Variants in TCF7L2 observed in about 807,000 individuals in gnomAD.
TCF7L2 encodes the protein transcription factor 7-like 2.
TCF7L2 carries 23 observed loss-of-function variants against 77.9 expected under a neutral mutation model. The observed-to-expected ratio is 0.30, with a 90% CI of 0.21 to 0.42. The LOEUF is 0.42. Among genes scored for constraint, TCF7L2 ranks in the 10% least tolerant of loss-of-function variants. The pLI, the probability that TCF7L2 is intolerant of heterozygous loss-of-function variation, is 1.00. For synonymous variants in TCF7L2, 413 were observed against 340.2 expected, an observed-to-expected ratio of 1.21 and a Z score of -2.36; for missense variants, 654 against 793.1, an observed-to-expected ratio of 0.82 and a Z score of 2.11.
At chr10:113,144,814 T>C (rs2069033738) in intron 7 of TCF7L2, among the ~76,000 whole-genome samples, 3 of 152,142 alleles carry the variant, frequency 2.0e-5, no homozygotes, top group South Asian at 2.1e-4. Flanking sequence ...AAATTCAGAG[T>C]AGAAAGGCCT....
chr10:113,117,420 TCTCTCTC>T (rs2063943073), intron 5 of TCF7L2, among the ~76,000 whole-genome samples: 4 of 39,338 alleles, frequency 1.0e-4, no homozygotes, highest in African/African-American at 4.6e-4. Context: ...TCTCTCTCTC[TCTCTCTC>T]TCTCTCCCTC....
chr10:113,155,365 C>T lies in TCF7L2; in HGVS notation c.1270-2656C>T, dbSNP rs553672999. 7.9e-5 allele frequency among the ~76,000 whole-genome samples: 12 copies of T among 152,202 alleles called. No individual in the cohort carries two copies. In the South Asian group the frequency reaches 2.1e-3, roughly 26 times the overall value. On this transcript the variant is annotated intron_variant, in intron 11 of 13. Transcript: ENST00000627217. ...TGAGTTTCTTTTCTTCTACCCATAT[C>T]GTAGGCCCTTTCTTTCTTCTGTTAC...
rs547252220 is a variant in TCF7L2, at chr10:113,080,774, G to A, written c.552+40648G>A. 7.2e-5 allele frequency among the ~76,000 whole-genome samples: 11 copies of A among 152,224 alleles called. No individual in the cohort carries two copies. In the South Asian group the frequency reaches 2.3e-3, roughly 32 times the overall value. On this transcript the variant is annotated intron_variant, in intron 5 of 13. Coordinates refer to ENST00000627217, the MANE Select transcript of TCF7L2 (RefSeq NM_001146274.2). ...TTAAATAACATTTTCTCATAAATTAGCCCTCGTTTGCACACTTATTCAGTT... is the reference window on the plus strand; with the variant it reads ...TTAAATAACATTTTCTCATAAATTAACCCTCGTTTGCACACTTATTCAGTT...
intron 4 of TCF7L2, among the ~76,000 whole-genome samples, chr10:112,984,306 T>C (rs2041064133): frequency 6.6e-6 from 1 of 152,176 alleles, no homozygotes. Context: ...AGCTATGTTT[T>C]TGTTTTTGTT....
chr10:113,050,667 C>T (rs2054266887), intron 5 of TCF7L2, among the ~76,000 whole-genome samples: 1 of 152,186 alleles, frequency 6.6e-6, no homozygotes, highest in African/African-American at 2.4e-5. Context: ...TAGCAGCCCC[C>T]TTCAGCCAAA....
At chr10:113,080,326 A>AC (rs1200946721) in intron 5 of TCF7L2, among the ~76,000 whole-genome samples, 1 of 151,802 alleles carries the variant, frequency 6.6e-6, no homozygotes, top group Non-Finnish European at 1.5e-5. Flanking sequence ...CAAGGCAGCT[A>AC]CCACATCACC....
rs928727804 is a variant in TCF7L2 at position 113,151,276 on chromosome 10, AAG to A, written c.1001+164_1001+165del. ...TGTGTGGGCTCTTCACTCCCTTACA[AAG>A]AGAGAGAGAGTGCACAGTGGCAGAA... On this transcript the variant is annotated intron_variant, in intron 9 of 13. Transcript: ENST00000627217. This position sits in a 1 kb window ranked among gnomAD's most constrained non-coding sequence, Gnocchi z 5.2. 6.6e-6 allele frequency among the ~76,000 whole-genome samples: 1 copy of A among 151,904 alleles called. No individual in the cohort carries two copies. Among genetic ancestry groups the A allele is most frequent in the Non-Finnish European group, 1.5e-5 (1 of 67,986 alleles).
intron 11 of TCF7L2, among the ~76,000 whole-genome samples, chr10:113,153,859 T>G (rs2071283983): frequency 6.6e-6 from 1 of 152,230 alleles, no homozygotes; most frequent in South Asian, 2.1e-4. Flanking sequence ...CCTGCTCTGA[T>G]GAGTAATTTC....
chr10:112,987,883 A>C lies in TCF7L2; in HGVS notation c.450+23259A>C, dbSNP rs187374308. 15 of 70,562 alleles carry C rather than the reference A, an allele frequency of 2.1e-4. 2 individuals carry two copies. The highest frequency in any genetic ancestry group is 4.2e-4 in the South Asian group (1 of 2,406). 4.4% of individuals were successfully genotyped at this position (70,562 alleles called of 1,614,324 possible). On this transcript the variant is annotated intron_variant, in intron 4 of 13. Transcript: ENST00000627217. ...TTTCTAGGGGTGTAATACACCCATG[A>C]AAAAATAAATAAATAAATAAATAAA...
chr10:113,067,882 G>A (rs548735803), intron 5 of TCF7L2, among the ~76,000 whole-genome samples: 1 of 66,142 alleles, frequency 1.5e-5, no homozygotes, highest in East Asian at 4.5e-4. Flanking sequence ...TGGTGGGAGG[G>A]GGCTAGAGTA....
At chr10:113,161,264 C>T (rs1488080135) in intron 13 of TCF7L2, 12 of 399,338 alleles carry the variant, frequency 3.0e-5, no homozygotes, top group African/African-American at 2.0e-4. Context: ...TGGCATTGAA[C>T]GGCATGCACC....
intron 5 of TCF7L2, among the ~76,000 whole-genome samples, chr10:113,051,307 G>A (rs955706707): frequency 1.3e-5 from 2 of 151,678 alleles, no homozygotes; most frequent in Admixed American, 6.6e-5. Context: ...GGGTAAAATG[G>A]GTGAGGCGGA....
In TCF7L2 at chr10:113,062,132, G is replaced by C. The variant is rs567941855; in HGVS notation, c.552+22006G>C. Among the ~76,000 whole-genome samples, 10 of 152,312 alleles carry C rather than the reference G, an allele frequency of 6.6e-5. No individual in the cohort carries two copies. The East Asian group carries it at 1.7e-3, about 26-fold the overall frequency. On this transcript the variant is annotated intron_variant, in intron 5 of 13. Coordinates refer to ENST00000627217, the MANE Select transcript of TCF7L2 (RefSeq NM_001146274.2). The stretch of plus-strand genomic sequence containing the variant: ...ACTCTTCAGCAGACATCGTGTGACT[G>C]TGGAAGAAATGAGTTTCATGAAGAT...
chr10:113,144,584 A>G (rs1298726315), intron 7 of TCF7L2, among the ~76,000 whole-genome samples: 31 of 152,228 alleles, frequency 2.0e-4, no homozygotes, highest in Non-Finnish European at 2.9e-4. Flanking sequence ...GGTTGACAAC[A>G]ACAGTGGAAA....
chr10:113,029,361 C>T (rs1014665399), intron 4 of TCF7L2, among the ~76,000 whole-genome samples: 2 of 152,086 alleles, frequency 1.3e-5, no homozygotes, highest in African/African-American at 4.8e-5. Flanking sequence ...GTAAGCATCC[C>T]TCCCCGAGAT....
chr10:113,134,931 G>A (rs998447766), intron 5 of TCF7L2, among the ~76,000 whole-genome samples: 16 of 152,230 alleles, frequency 1.1e-4, no homozygotes, highest in Admixed American at 7.8e-4. Context: ...TGCTTCTGCA[G>A]AAAGAGGCAG....
intron 5 of TCF7L2, chr10:113,126,702 CGCTGCTGGTGTGT>C: frequency 3.0e-6 from 3 of 985,494 alleles, no homozygotes; most frequent in Middle Eastern, 5.2e-4. Flanking sequence ...TGTCTGGCGG[CGCTGCTGGTGTGT>C]GCTGCTCCCC....
At chr10:112,954,572 C>A (rs561471672) in intron 3 of TCF7L2, among the ~76,000 whole-genome samples, 1 of 152,266 alleles carries the variant, frequency 6.6e-6, no homozygotes, top group South Asian at 2.1e-4. Flanking sequence ...AGATACAAAA[C>A]TGCATTAAGG....
At chr10:113,050,977 A>G (rs1243120268) in intron 5 of TCF7L2, among the ~76,000 whole-genome samples, 2 of 152,116 alleles carry the variant, frequency 1.3e-5, no homozygotes, top group Non-Finnish European at 2.9e-5. Context: ...AAGGTTCTGA[A>G]GCTGACATCT....
Sources: gnomAD v4.1 joint callset for allele counts (sites outside exome capture counted in the v4.1 genomes callset) on GRCh38, gnomAD v4.1.1 for gene constraint, Gnocchi (gnomAD v3.1) non-coding constraint, MANE v1.5 for transcripts, NCBI Gene and HGNC (gene_info 2026-07-23, HGNC 2026-07-21) for gene names.